The following CPSF3 variants were observed in gnomAD, a reference collection of about 807,000 sequenced individuals.
CPSF3 encodes the protein cleavage and polyadenylation specificity factor subunit 3.
Under a neutral mutation model 84.1 loss-of-function variants are expected in CPSF3, and 57 were observed. The ratio of observed to expected loss-of-function variants is 0.68; its 90% CI spans 0.55 to 0.85. CPSF3 has a LOEUF of 0.85. Ranked by LOEUF, CPSF3 falls within the 40% of genes least tolerant of loss-of-function variation. The probability of loss-of-function intolerance (pLI) is 0.00; values close to 1 mark genes in which losing one functional copy is unlikely to be tolerated. For missense variants in CPSF3, 522 were observed against 838.8 expected (o/e 0.62, Z 4.66); for synonymous variants, 275 against 278.1 (o/e 0.99, Z 0.11).
rs764599589 is a variant in CPSF3 at position 9,443,508 on chromosome 2, T to C, written c.1096-7T>C. ...TTTGTTTTGTTATTTTTCTTTATTT[T>C]CCACAGCACATCATGTCTGAACCTG... is the stretch of plus-strand genomic sequence containing the variant. On this transcript the variant is annotated splice_polypyrimidine_tract_variant and splice_region_variant and intron_variant, in intron 9 of 17. Transcript: ENST00000238112. 11 of 1,599,916 alleles carry C rather than the reference T, an allele frequency of 6.9e-6. No homozygotes were observed. The highest frequency in any genetic ancestry group is 1.1e-5 in the South Asian group (1 of 89,462).
At chr2:9,439,688 T>C (rs1368090886) in intron 7 of CPSF3, among the ~76,000 whole-genome samples, 1 of 152,030 alleles carries the variant, frequency 6.6e-6, no homozygotes, top group Non-Finnish European at 1.5e-5. Context: ...GGTTAGTAGG[T>C]TTTTAAAAAT....
intron 5 of CPSF3, 85 bp downstream of exon 5, chr2:9,432,773 C>T (rs964736990): frequency 9.3e-7 from 1 of 1,079,072 alleles, no homozygotes. Context: ...AAAAAAATTC[C>T]CTAAGACTTG....
At chr2:9,466,258 G>A (rs4668623) in intron 15 of CPSF3, among the ~76,000 whole-genome samples, 4 of 86,560 alleles carry the variant, frequency 4.6e-5, no homozygotes, top group Admixed American at 3.2e-4. Flanking sequence ...GCGCACACAC[G>A]CACACAAAGA....
At position 9,430,867 on chromosome 2, in the gene CPSF3, T is replaced by TA; in HGVS notation, c.329dup (p.Tyr110Ter). ...KAIYRWLLSD[Y>*]VKVSNISADD... ...TATTTATAGATGGCTTCTTTCTGAT[T>TA]ATGTCAAAGTTAGGTAAATTACTTT... Residue 110 changes from tyrosine to a stop codon, truncating the protein, a stop_gained and frameshift_variant, in exon 4 of 18, where the codon TAT becomes TAAT. Transcript: ENST00000238112. LOFTEE classifies it high-confidence loss of function. The TA allele has an allele frequency of 6.2e-7, 1 of 1,612,454 alleles. No homozygotes were observed.
chr2:9,460,201 G>A (rs780089860), intron 15 of CPSF3, among the ~76,000 whole-genome samples: 13 of 152,010 alleles, frequency 8.6e-5, no homozygotes, highest in Non-Finnish European at 1.8e-4. Context: ...CAGGCCGGGC[G>A]CACGGATCAC....
rs772679327 is a variant in CPSF3 at position 9,431,528 on chromosome 2, TA to T, written c.341+649del. Among the ~76,000 whole-genome samples, 12 of 139,256 alleles carry T rather than the reference TA, an allele frequency of 8.6e-5. No individual in the cohort carries two copies. The South Asian group carries it at 1.5e-3, about 18-fold the overall frequency. 91.4% of individuals were successfully genotyped at this position (139,256 alleles called of 152,430 possible). A position where few individuals can be genotyped will look rare whatever the true frequency, so the allele number is the denominator to read the frequency against. On this transcript the variant is annotated intron_variant, in intron 4 of 17. Transcript: ENST00000238112. ...TCACACAAAGATAAATAAATATACATATTTTTTTTTTCTTTTTTTTTTTCTT... is the reference window on the plus strand; with the variant it reads ...TCACACAAAGATAAATAAATATACATTTTTTTTTTTCTTTTTTTTTTTCTT...
chr2:9,468,339 G>T (rs761556316), intron 16 of CPSF3, among the ~76,000 whole-genome samples: 1 of 152,074 alleles, frequency 6.6e-6, no homozygotes, highest in South Asian at 2.1e-4. Flanking sequence ...CGAGCAATCC[G>T]CCTCAGCCTC....
chr2:9,460,694 T>G (rs898206711), intron 15 of CPSF3, among the ~76,000 whole-genome samples: 6 of 151,074 alleles, frequency 4.0e-5, no homozygotes, highest in Admixed American at 1.3e-4. Flanking sequence ...TTTTTTTTTT[T>G]GAGACAAAGT....
In CPSF3 at chr2:9,444,158, A is replaced by ATT. The variant is rs869193869; in HGVS notation, c.1242+510_1242+511dup. On this transcript the variant is annotated intron_variant, in intron 10 of 17. Transcript: ENST00000238112. ...ATATATATTATATATATATATATAT[A>ATT]TTTTTTTTTTTTTTGAGGCGGAGTC... Among the ~76,000 whole-genome samples the ATT allele has an allele frequency of 6.0e-4, 74 of 123,152 alleles. 1 individual carries two copies. The highest frequency in any genetic ancestry group is 1.9e-3 in the African/African-American group (49 of 26,428). The allele number at this position is 123,152 out of a possible 152,430, so 80.8% of individuals were successfully genotyped here.
intron 14 of CPSF3, among the ~76,000 whole-genome samples, chr2:9,458,704 CATAG>C (rs1213982420): frequency 1.3e-5 from 2 of 152,032 alleles, no homozygotes; most frequent in Admixed American, 6.6e-5. Flanking sequence ...TTTATACTTA[CATAG>C]TAGATAATAT....
chr2:9,435,424 C>T (rs1472072038), intron 6 of CPSF3, among the ~76,000 whole-genome samples: 2 of 151,130 alleles, frequency 1.3e-5, no homozygotes, highest in African/African-American at 4.9e-5. Context: ...TGAATTCTAG[C>T]ATTCTTTTTT....
intron 12 of CPSF3, among the ~76,000 whole-genome samples, chr2:9,455,390 T>C (rs901286590): frequency 4.6e-5 from 7 of 152,102 alleles, no homozygotes; most frequent in Admixed American, 4.6e-4. Flanking sequence ...TGCCTCGGCT[T>C]CCCAAAGTGC....
intron 10 of CPSF3, among the ~76,000 whole-genome samples, chr2:9,447,051 G>A (rs13403309): frequency 6.6e-6 from 1 of 152,108 alleles, no homozygotes; most frequent in African/African-American, 2.4e-5. Flanking sequence ...TAAGGTGGGA[G>A]GATTGTATAA....
chr2:9,426,875 C>A (rs1251554377), intron 1 of CPSF3, among the ~76,000 whole-genome samples: 587 of 130,972 alleles, frequency 4.5e-3, no homozygotes, highest in Middle Eastern at 7.7e-3. Context: ...GACCTTGTCT[C>A]AAAAAAAAAA....
intron 14 of CPSF3, among the ~76,000 whole-genome samples, chr2:9,457,661 A>AG (rs943084398): frequency 6.6e-5 from 10 of 152,174 alleles, no homozygotes; most frequent in African/African-American, 2.4e-4. Flanking sequence ...TGAATAGTCC[A>AG]GGGAGGTACC....
chr2:9,440,660 C>G lies in CPSF3; in HGVS notation c.930C>G (p.Asn310Lys). ...CCTTTGTTTTCAAACACATTAGTAACCTCAAGGTGAGTGCTTGTGGAAGAA... is the reference window on the plus strand; with the variant it reads ...CCTTTGTTTTCAAACACATTAGTAAGCTCAAGGTGAGTGCTTGTGGAAGAA... ...NNPFVFKHIS[N>K]LKSMDHFDDI... Residue 310 changes from asparagine (N) to lysine (K), a missense_variant, in exon 8 of 18, where the codon AAC becomes AAG. By Grantham distance (94) the Asn-to-Lys change is moderately conservative. Transcript: ENST00000238112. 6.2e-7 allele frequency: 1 copy of G among 1,614,010 alleles called. No homozygotes were observed. The highest frequency in any genetic ancestry group is 1.3e-5 in the African/African-American group (1 of 75,028).
At position 9,436,304 on chromosome 2, in the gene CPSF3, A is replaced by C; in HGVS notation, c.703A>C (p.Arg235=). Residue 235 remains arginine, a synonymous_variant, in exon 7 of 18, where the codon AGG becomes CGG. Coordinates refer to ENST00000238112, the MANE Select transcript of CPSF3 (RefSeq NM_016207.4). ...TVHDIVNRGG[R]GLIPVFALGR... ...CCACGATATTGTAAACAGAGGAGGC[A>C]GGGGTCTCATTCCTGTCTTTGCTCT... The C allele has an allele frequency of 1.9e-6, 3 of 1,614,018 alleles. No homozygotes were observed. The highest frequency in any genetic ancestry group is 1.7e-6 in the Non-Finnish European group (2 of 1,179,920).
At chr2:9,445,856 A>G (rs374085974) in intron 10 of CPSF3, among the ~76,000 whole-genome samples, 4 of 152,378 alleles carry the variant, frequency 2.6e-5, no homozygotes, top group African/African-American at 9.6e-5. Context: ...TAAAATTGCA[A>G]TACTAGTAGT....
At chr2:9,429,668 A>G (rs1473182552) in intron 2 of CPSF3, among the ~76,000 whole-genome samples, 2 of 152,238 alleles carry the variant, frequency 1.3e-5, no homozygotes, top group Non-Finnish European at 2.9e-5. Flanking sequence ...AATGACGACC[A>G]AAAGTAGCTG....
Sources: gnomAD v4.1 joint callset for allele counts (sites outside exome capture counted in the v4.1 genomes callset) on GRCh38, gnomAD v4.1.1 for gene constraint, MANE v1.5 for transcripts, NCBI Gene and HGNC (gene_info 2026-07-23, HGNC 2026-07-21) for gene names.